The following EHMT1 variants were observed in gnomAD, a reference collection of about 807,000 sequenced individuals.
EHMT1 encodes the protein histone-lysine N-methyltransferase EHMT1.
EHMT1 carries 15 observed loss-of-function variants against 147.2 expected under a neutral mutation model. The ratio of observed to expected loss-of-function variants is 0.10; its 90% CI spans 0.07 to 0.16. EHMT1 has a LOEUF of 0.16. Ranked by LOEUF, EHMT1 falls within the 10% of genes least tolerant of loss-of-function variation. The pLI, the probability that EHMT1 is intolerant of heterozygous loss-of-function variation, is 1.00. For synonymous variants in EHMT1, 795 were observed against 709.6 expected (o/e 1.12, Z -1.91); for missense variants, 1,587 against 1,772.4 (o/e 0.90, Z 1.88).
chr9:137,778,049 C>T lies in EHMT1; in HGVS notation c.2186C>T (p.Ser729Leu), dbSNP rs398124404. The T allele has an allele frequency of 1.3e-4, 214 of 1,613,814 alleles. No homozygotes were observed. The East Asian group carries it at 1.4e-3, about 11-fold the overall frequency. The change falls in exon 13 of 27, where the codon TCG becomes TTG. Residue 729 changes from serine (S) to leucine (L), a missense_variant. Around this residue, in one of 7 missense-constraint regions of EHMT1, gnomAD observed 201 missense variants for 350.1 expected, o/e 0.57. Coordinates refer to ENST00000460843, the MANE Select transcript of EHMT1 (RefSeq NM_024757.5). ...TLESALIALDSEKPKKLRFHP... is the reference protein window; with the variant it reads ...TLESALIALDLEKPKKLRFHP... ...GAGAGCGCTCTCATCGCCCTCGACT[C>T]GGAAAAGTAAGACCTGACATGTGAT...
intron 16 of EHMT1, among the ~76,000 whole-genome samples, chr9:137,797,831 G>C (rs1953087027): frequency 6.6e-6 from 1 of 152,116 alleles, no homozygotes. Flanking sequence ...GGGGAGCAAA[G>C]CAAAGCAAAC....
rs541136934 is a variant in EHMT1 at position 137,682,052 on chromosome 9, A to G, written c.22-28915A>G. 1.3e-4 allele frequency among the ~76,000 whole-genome samples: 20 copies of G among 151,748 alleles called. No homozygotes were observed. The East Asian group carries it at 3.3e-3, about 25-fold the overall frequency. ...TGCAAGCTCTGCCTCCCGGATTCAC[A>G]CCATTCTCCTGCCTCAGCCTCCCGA... On this transcript the variant is annotated intron_variant, in intron 1 of 26. Transcript: ENST00000460843.
chr9:137,729,460 G>A (rs1005395227), intron 4 of EHMT1, among the ~76,000 whole-genome samples: 4 of 151,994 alleles, frequency 2.6e-5, no homozygotes, highest in African/African-American at 7.2e-5. Context: ...GGTGGCGGGC[G>A]CCTGTAGTCC....
rs555717505 is a variant in EHMT1 at position 137,798,840 on chromosome 9, C to G, written c.2533C>G (p.Leu845Val). The G allele has an allele frequency of 1.2e-6, 2 of 1,614,210 alleles. No homozygotes were observed. The highest frequency in any genetic ancestry group is 2.2e-5 in the East Asian group (1 of 44,880). The change falls in exon 17 of 27, where the codon CTG (leucine) becomes GTG (valine). Residue 845 changes from leucine to valine, a missense_variant. Physicochemically the swap from Leu to Val is conservative, Grantham distance 32. This residue lies in a region of EHMT1 where 201 missense variants were observed against 350.1 expected (regional missense o/e 0.57). Coordinates refer to ENST00000460843, the MANE Select transcript of EHMT1 (RefSeq NM_024757.5). ...CGCAGAGGGCTCTACGTGTTTGCAC[C>G]TGGCTGCCAAGAAAGGCCACTACGA... ...KDAEGSTCLH[L>V]AAKKGHYEVV...
chr9:137,692,226 A>G (rs1168614542), intron 1 of EHMT1, among the ~76,000 whole-genome samples: 1 of 150,658 alleles, frequency 6.6e-6, no homozygotes, highest in African/African-American at 2.4e-5. Context: ...TCGTCACTAG[A>G]TGGTGTTTTT....
rs1258058790 is a variant in EHMT1, at chr9:137,681,906, G to A, written c.22-29061G>A. 2.0e-5 allele frequency among the ~76,000 whole-genome samples: 3 copies of A among 152,138 alleles called. No homozygotes were observed. In the East Asian group the frequency reaches 5.8e-4, roughly 29 times the overall value. ...GTGAGGCGGGTCACTGATGCGGGAA[G>A]CTCTCCTCACAGTGAAACCGTCCTC... On this transcript the variant is annotated intron_variant, in intron 1 of 26. Coordinates refer to ENST00000460843, the MANE Select transcript of EHMT1 (RefSeq NM_024757.5).
At chr9:137,712,002 T>C (rs774779886) in intron 2 of EHMT1, among the ~76,000 whole-genome samples, 5 of 152,202 alleles carry the variant, frequency 3.3e-5, no homozygotes, top group African/African-American at 4.8e-5. Flanking sequence ...GTCCACCCAC[T>C]GGCTGTGCAC....
At chr9:137,695,561 T>C (rs952119769) in intron 1 of EHMT1, among the ~76,000 whole-genome samples, 6 of 152,248 alleles carry the variant, frequency 3.9e-5, no homozygotes, top group Non-Finnish European at 8.8e-5. Flanking sequence ...TTTTGGTCAA[T>C]GAGTCTCAGC....
chr9:137,663,973 AAATT>A (rs1939358940), intron 1 of EHMT1, among the ~76,000 whole-genome samples: 1 of 152,246 alleles, frequency 6.6e-6, no homozygotes, highest in African/African-American at 2.4e-5. Flanking sequence ...TATGCATAAT[AAATT>A]CTGCAAAAAT....
chr9:137,737,778 A>G (rs988082666), intron 4 of EHMT1, among the ~76,000 whole-genome samples: 9 of 152,340 alleles, frequency 5.9e-5, no homozygotes, highest in Middle Eastern at 3.4e-3. Context: ...TGTTAACGGA[A>G]TAAAAAGGCA....
intron 2 of EHMT1, chr9:137,715,537 A>AAGG: frequency 1.0e-6 from 1 of 985,358 alleles, no homozygotes; most frequent in Non-Finnish European, 1.2e-6. Context: ...CAGAGCCAGG[A>AAGG]AGGAGGGCAC....
chr9:137,708,247 C>G (rs934326521), intron 1 of EHMT1, among the ~76,000 whole-genome samples: 8 of 152,160 alleles, frequency 5.3e-5, no homozygotes, highest in Non-Finnish European at 1.0e-4. Context: ...GCTTCTGCAC[C>G]CAGCCTGAGG....
chr9:137,643,981 G>A (rs1844699990), intron 1 of EHMT1, among the ~76,000 whole-genome samples: 1 of 152,208 alleles, frequency 6.6e-6, no homozygotes, highest in Non-Finnish European at 1.5e-5. Flanking sequence ...GGTAAACAGA[G>A]CTTTGCCATA....
chr9:137,720,919 C>T (rs1032389159), intron 3 of EHMT1, among the ~76,000 whole-genome samples: 1 of 152,088 alleles, frequency 6.6e-6, no homozygotes, highest in Non-Finnish European at 1.5e-5. Flanking sequence ...TTTCATTGAA[C>T]GAGGAAATTG....
At chr9:137,738,365 G>A (rs1167421820) in intron 4 of EHMT1, among the ~76,000 whole-genome samples, 18 of 152,086 alleles carry the variant, frequency 1.2e-4, no homozygotes, top group African/African-American at 2.9e-4. Context: ...AGATACCACC[G>A]TACACCTGTT....
chr9:137,754,296 A>G lies in EHMT1; in HGVS notation c.1369+5A>G. 1 of 1,613,838 alleles carries G rather than the reference A, an allele frequency of 6.2e-7. No individual in the cohort carries two copies. The highest frequency in any genetic ancestry group is 8.5e-7 in the Non-Finnish European group (1 of 1,179,830). ...AGAAGCCCAGCGGTGCCCTCGGTAA[A>G]TGCCGTGGGGGTGTGGGCCATCACG... is the stretch of plus-strand genomic sequence containing the variant. On this transcript the variant is annotated splice_donor_5th_base_variant and intron_variant, in intron 8 of 26. Coordinates refer to ENST00000460843, the MANE Select transcript of EHMT1 (RefSeq NM_024757.5).
intron 1 of EHMT1, among the ~76,000 whole-genome samples, chr9:137,694,060 T>G (rs1373638247): frequency 1.4e-5 from 1 of 72,282 alleles, no homozygotes; most frequent in Non-Finnish European, 2.6e-5. Context: ...CCCCACACAG[T>G]GGCTCAGGAC....
chr9:137,642,318 G>A (rs1844551240), intron 1 of EHMT1, among the ~76,000 whole-genome samples: 1 of 152,046 alleles, frequency 6.6e-6, no homozygotes, highest in Non-Finnish European at 1.5e-5. Context: ...TCATGGAGAT[G>A]GAGTTTCACT....
At chr9:137,761,008 G>GA (rs1018537594) in intron 9 of EHMT1, among the ~76,000 whole-genome samples, 1 of 152,126 alleles carries the variant, frequency 6.6e-6, no homozygotes, top group East Asian at 1.9e-4. Context: ...CTCTGGCTCA[G>GA]AAAAAATAAA....
Sources: gnomAD v4.1 joint callset for allele counts (sites outside exome capture counted in the v4.1 genomes callset) on GRCh38, gnomAD v4.1.1 for gene constraint, gnomAD v4.1.1 regional missense constraint, MANE v1.5 for transcripts, NCBI Gene and HGNC (gene_info 2026-07-23, HGNC 2026-07-21) for gene names.